GAN: variants seen among roughly 807,000 people sequenced by gnomAD.
GAN encodes the protein gigaxonin.
Under a neutral mutation model 71.3 loss-of-function variants are expected in GAN, and 48 were observed. The observed-to-expected ratio is 0.67, with a 90% CI of 0.53 to 0.86. The LOEUF (loss-of-function observed/expected upper bound fraction) is 0.86, where lower values mean the gene tolerates loss of function less well. Among genes scored for constraint, GAN ranks in the 40% least tolerant of loss-of-function variants. The pLI is 0.00. For synonymous variants in GAN, 386 were observed against 276.8 expected, an observed-to-expected ratio of 1.39 and a Z score of -3.92; for missense variants, 928 against 770.1, an observed-to-expected ratio of 1.21 and a Z score of -2.43.
intron 5 of GAN, among the ~76,000 whole-genome samples, chr16:81,359,405 G>GC (rs372765884): frequency 1.6e-5 from 2 of 125,132 alleles, no homozygotes; most frequent in African/African-American, 5.8e-5. Flanking sequence ...AGGCTGCATT[G>GC]TTTTTTTTTT....
intron 1 of GAN, among the ~76,000 whole-genome samples, chr16:81,325,136 G>T (rs575904375): frequency 2.7e-4 from 41 of 152,200 alleles, no homozygotes; most frequent in Non-Finnish European, 4.7e-4. Context: ...CTTACAGTAG[G>T]CATTAAAGTC....
Position 81,356,830 on chromosome 16 carries a change from G to A in GAN, c.679G>A (p.Asp227Asn). Residue 227 changes from aspartate to asparagine, a missense_variant, in exon 4 of 11, where the codon GAC (aspartate) becomes AAC (asparagine). Asp to Asn is a conservative substitution (Grantham distance 23, BLOSUM62 1). Transcript: ENST00000648994. ...GTCAGCTCTGTGGGTTTCAGGGTTG[G>A]ACTCCAGTTATTTACGGGAACAGAT... is the stretch of plus-strand genomic sequence containing the variant. ...VMSALWVSGL[D>N]SSYLREQMLN... 6.2e-7 allele frequency: 1 copy of A among 1,613,904 alleles called. No individual in the cohort carries two copies. Among genetic ancestry groups the A allele is most frequent in the Non-Finnish European group, 8.5e-7 (1 of 1,179,780 alleles).
chr16:81,316,595 A>C, intron 1 of GAN, among the ~76,000 whole-genome samples: 1 of 152,174 alleles, frequency 6.6e-6, no homozygotes, highest in Non-Finnish European at 1.5e-5. Context: ...GGTTTGAGCA[A>C]CCCATCCCAA....
rs1274598164 is a variant in GAN, at chr16:81,379,735, A to C, written c.*2139A>C. Reference sequence around the variant, plus strand: ...GGGGAACATTAAAACAGTAACTGACATCCAGTTAAAGCCACGATCGTCAGC... The same window carrying C: ...GGGGAACATTAAAACAGTAACTGACCTCCAGTTAAAGCCACGATCGTCAGC... On this transcript the variant is annotated 3_prime_UTR_variant, in exon 11 of 11. Transcript: ENST00000648994. The C allele has an allele frequency of 6.6e-6, 1 of 152,226 alleles. No individual in the cohort carries two copies. The highest frequency in any genetic ancestry group is 6.5e-5 in the Admixed American group (1 of 15,284). 9.4% of individuals were successfully genotyped at this position (152,226 alleles called of 1,614,324 possible). A position where few individuals can be genotyped will look rare whatever the true frequency, so the allele number is the denominator to read the frequency against.
At chr16:81,339,598 C>T (rs764739909) in intron 1 of GAN, among the ~76,000 whole-genome samples, 1 of 152,180 alleles carries the variant, frequency 6.6e-6, no homozygotes, top group Non-Finnish European at 1.5e-5. Context: ...AGAGAAATAC[C>T]ATAATGTAGG....
chr16:81,327,228 AT>A (rs1429558751), intron 1 of GAN, among the ~76,000 whole-genome samples: 1 of 152,250 alleles, frequency 6.6e-6, no homozygotes, highest in Non-Finnish European at 1.5e-5. Flanking sequence ...AGAAGCATTC[AT>A]TTCCTTGACA....
Position 81,388,552 on chromosome 16 carries a change from G to C in GAN, c.*10956G>C, listed in dbSNP as rs1014525051. 3.3e-5 allele frequency: 5 copies of C among 153,366 alleles called. No homozygotes were observed. The highest frequency in any genetic ancestry group is 1.2e-4 in the African/African-American group (5 of 41,476). 9.5% of individuals were successfully genotyped at this position (153,366 alleles called of 1,614,324 possible). ...CCAGGCCAGCCCCAGAGGCCCTCAGGGCTCCCCCTCCAAGCCGGGAGGGCA... is the reference window on the plus strand; with the variant it reads ...CCAGGCCAGCCCCAGAGGCCCTCAGCGCTCCCCCTCCAAGCCGGGAGGGCA... On this transcript the variant is annotated 3_prime_UTR_variant, in exon 11 of 11. Transcript: ENST00000648994.
In GAN at chr16:81,377,425, C is replaced by G; in HGVS notation, c.1623C>G (p.Tyr541Ter). ...VIGDLDTGTN[Y>*]DYVREFKRST... The stretch of plus-strand genomic sequence containing the variant: ...ATTTCTGTGGCTTAGGTACCAATTA[C>G]GACTACGTGCGTGAGTTTAAAAGAA... The change falls in exon 11 of 11, where the codon TAC (tyrosine) becomes TAG (stop). Residue 541 changes from tyrosine to a stop codon, truncating the protein, a stop_gained. Coordinates refer to ENST00000648994, the MANE Select transcript of GAN (RefSeq NM_022041.4). LOFTEE classifies it high-confidence loss of function. The G allele has an allele frequency of 6.2e-7, 1 of 1,613,768 alleles. No individual in the cohort carries two copies. The highest frequency in any genetic ancestry group is 8.5e-7 in the Non-Finnish European group (1 of 1,179,656).
chr16:81,358,092 G>A (rs556858940), intron 5 of GAN, among the ~76,000 whole-genome samples, 161 bp downstream of exon 5: 8 of 152,248 alleles, frequency 5.3e-5, no homozygotes, highest in South Asian at 4.1e-4. Flanking sequence ...TAGGAAAACC[G>A]TATTTTCTGT....
chr16:81,377,477 C>G lies in GAN; in HGVS notation c.1675C>G (p.Pro559Ala), dbSNP rs1446901740. Residue 559 changes from proline (P) to alanine (A), a missense_variant, in exon 11 of 11, where the codon CCA becomes GCA. Pro to Ala is a conservative substitution (Grantham distance 27). Transcript: ENST00000648994. The stretch of plus-strand genomic sequence containing the variant: ...CACAGGAACCTGGCACCACACTAAA[C>G]CACTCCTTCCATCCGACCTTCGCCG... ...RSTGTWHHTK[P>A]LLPSDLRRTG... The G allele has an allele frequency of 3.1e-6, 5 of 1,614,086 alleles. No homozygotes were observed. Among genetic ancestry groups the G allele is most frequent in the Non-Finnish European group, 4.2e-6 (5 of 1,179,930 alleles).
intron 1 of GAN, among the ~76,000 whole-genome samples, chr16:81,339,298 GC>G (rs780019893): frequency 2.0e-5 from 3 of 152,172 alleles, no homozygotes; most frequent in Non-Finnish European, 4.4e-5. Context: ...AGTTTGAGAA[GC>G]ACTGGGCCTT....
At chr16:81,341,975 T>A (rs1909958328) in intron 1 of GAN, among the ~76,000 whole-genome samples, 2 of 152,106 alleles carry the variant, frequency 1.3e-5, no homozygotes, top group African/African-American at 4.8e-5. Context: ...GAAGCAGGGG[T>A]TGCAATCCTT....
intron 1 of GAN, among the ~76,000 whole-genome samples, chr16:81,349,947 CT>C (rs1235507832): frequency 1.3e-5 from 2 of 151,944 alleles, no homozygotes; most frequent in Admixed American, 1.3e-4. Flanking sequence ...TTAAATTTCA[CT>C]TGAATTTTTT....
intron 6 of GAN, 89 bp from the exon 7 acceptor site, chr16:81,363,705 G>A: frequency 2.2e-6 from 3 of 1,365,578 alleles, no homozygotes; most frequent in Non-Finnish European, 3.1e-6. Flanking sequence ...CCATCTTTAT[G>A]TTTCTCTAAT....
At chr16:81,350,745 CT>C (rs1487030875) in intron 1 of GAN, among the ~76,000 whole-genome samples, 5 of 152,182 alleles carry the variant, frequency 3.3e-5, no homozygotes, top group Non-Finnish European at 7.3e-5. Context: ...CCTCGAACTC[CT>C]GGCCTCAAGT....
intron 7 of GAN, among the ~76,000 whole-genome samples, chr16:81,364,474 C>T (rs1423209130): frequency 2.0e-5 from 3 of 152,106 alleles, no homozygotes; most frequent in African/African-American, 7.2e-5. Context: ...ACTATGTTGC[C>T]CCGGCTGGTC....
intron 1 of GAN, among the ~76,000 whole-genome samples, chr16:81,322,554 T>C (rs778846947): frequency 6.6e-6 from 1 of 152,262 alleles, no homozygotes; most frequent in Non-Finnish European, 1.5e-5. Context: ...TTTGAGTTTT[T>C]ATAGAAACTT....
chr16:81,347,376 C>T lies in GAN; in HGVS notation c.168-4207C>T, dbSNP rs139207923. Among the ~76,000 whole-genome samples the T allele has an allele frequency of 3.3e-3, 507 of 152,292 alleles. 1 individual carries two copies. Among genetic ancestry groups the T allele is most frequent in the Non-Finnish European group, 5.8e-3 (395 of 68,018 alleles). On this transcript the variant is annotated intron_variant, in intron 1 of 10. Coordinates refer to ENST00000648994, the MANE Select transcript of GAN (RefSeq NM_022041.4). The stretch of plus-strand genomic sequence containing the variant: ...TTTGATGTTAAAGATGTACAAGGGC[C>T]TTCTACTGTCACCAGAATGGACTGG...
At chr16:81,342,303 T>C (rs993915887) in intron 1 of GAN, among the ~76,000 whole-genome samples, 4 of 152,244 alleles carry the variant, frequency 2.6e-5, no homozygotes, top group Admixed American at 2.0e-4. Context: ...TCTACAGAAC[T>C]CTCCACCCCA....
Sources: allele counts gnomAD v4.1 joint callset (sites outside exome capture counted in the v4.1 genomes callset), GRCh38; gene constraint gnomAD v4.1.1; transcripts MANE v1.5; gene names NCBI Gene and HGNC (gene_info 2026-07-23, HGNC 2026-07-21).